Variants in PLPPR3 observed in about 807,000 individuals in gnomAD.
The protein encoded by PLPPR3 is phospholipid phosphatase related 3, also known as phospholipid phosphatase-related protein type 3.
In PLPPR3, 14 loss-of-function variants were observed where a neutral mutation model predicts 27.3. The observed-to-expected ratio is 0.51, with a 90% confidence interval of 0.34 to 0.80. PLPPR3 has a LOEUF of 0.80. PLPPR3 is among the 30% of genes least tolerant of loss of function. The pLI is 0.01. For synonymous variants in PLPPR3, 671 were observed against 508.0 expected (o/e 1.32, Z -4.32); for missense variants, 1,287 against 1,056.9 (o/e 1.22, Z -3.02).
Position 813,126 on chromosome 19 carries a change from G to T in PLPPR3, c.1601C>A (p.Pro534Gln). Reference protein sequence around the residue: ...EKSGAAVANPPRLLQVIAMSK... With the variant: ...EKSGAAVANPQRLLQVIAMSK... ...CATGGCGATGACCTGCAGCAGCCGC[G>T]GAGGGTTGGCCACTGCCGCCCCGCT... The change falls in exon 8 of 8, where the codon CCG (proline) becomes CAG (glutamine). Residue 534 changes from proline to glutamine, a missense_variant. Coordinates refer to ENST00000520876, the MANE Select transcript of PLPPR3 (RefSeq NM_001270366.2). This position sits in a 1 kb window ranked among gnomAD's most constrained non-coding sequence, Gnocchi z 4.1. 3 of 1,508,588 alleles carry T rather than the reference G, an allele frequency of 2.0e-6. No homozygotes were observed. The highest frequency in any genetic ancestry group is 2.6e-6 in the Non-Finnish European group (3 of 1,139,756). 93.5% of individuals were successfully genotyped at this position (1,508,588 alleles called of 1,614,324 possible).
At chr19:821,767 G>C (rs943261980) in intron 1 of PLPPR3, 148 bp downstream of exon 1, 4 of 379,366 alleles carry the variant, frequency 1.1e-5, no homozygotes, top group African/African-American at 6.4e-5. Flanking sequence ...ACCCGGGATC[G>C]GGGGGTCGGG....
upstream of PLPPR3, among the ~76,000 whole-genome samples, chr19:822,791 C>A (rs1325536906): frequency 6.6e-6 from 1 of 152,182 alleles, no homozygotes; most frequent in Non-Finnish European, 1.5e-5. Flanking sequence ...GGTCGCAATC[C>A]GAGGTCTCCG....
chr19:814,381 C>T (rs1337037999), intron 7 of PLPPR3, 53 bp downstream of exon 7: 3 of 1,515,728 alleles, frequency 2.0e-6, no homozygotes, highest in East Asian at 2.4e-5. Flanking sequence ...CATGCCTCCC[C>T]CCTCAGATCC....
Position 813,499 on chromosome 19 carries a change from C to T in PLPPR3, c.1228G>A (p.Glu410Lys). The change falls in exon 8 of 8, where the codon GAG becomes AAG. Residue 410 changes from glutamate to lysine, a missense_variant. Physicochemically the swap from Glu to Lys is moderately conservative, Grantham distance 56. Coordinates refer to ENST00000520876, the MANE Select transcript of PLPPR3 (RefSeq NM_001270366.2). This position sits in a 1 kb window ranked among gnomAD's most constrained non-coding sequence, Gnocchi z 4.1. ...CCCTCCAGGCTCTTCTGCTTCCACT[C>T]GCTGATGAGCTGCTTGGAGCGCGAG... Reference protein sequence around the residue: ...DASRSKQLISEWKQKSLEGRG... With the variant: ...DASRSKQLISKWKQKSLEGRG... 17 of 1,553,218 alleles carry T rather than the reference C, an allele frequency of 1.1e-5. No homozygotes were observed. Among genetic ancestry groups the T allele is most frequent in the Non-Finnish European group, 1.5e-5 (17 of 1,152,852 alleles).
Position 813,984 on chromosome 19 carries a change from C to G in PLPPR3, c.832-89G>C. The G allele has an allele frequency of 7.5e-7, 1 of 1,324,914 alleles. No homozygotes were observed. Among genetic ancestry groups the G allele is most frequent in the African/African-American group, 1.5e-5 (1 of 65,202 alleles). 82.1% of individuals were successfully genotyped at this position (1,324,914 alleles called of 1,614,324 possible). A position where few individuals can be genotyped will look rare whatever the true frequency, so the allele number is the denominator to read the frequency against. On this transcript the variant is annotated intron_variant, in intron 7 of 7. Coordinates refer to ENST00000520876, the MANE Select transcript of PLPPR3 (RefSeq NM_001270366.2). The surrounding 1 kb of genome is among the most constrained non-coding windows in gnomAD (Gnocchi z 4.1). ...TGGACTTGCCGCGGGGGGCTCTGGA[C>G]CGGGGGTGGGGGCTGGCAAGCTCTT...
At position 813,328 on chromosome 19, in the gene PLPPR3, A is replaced by AG; in HGVS notation, c.1398dup (p.Ser467LeufsTer?). 1.4e-6 allele frequency: 2 copies of AG among 1,466,764 alleles called. No individual in the cohort carries two copies. Among genetic ancestry groups the AG allele is most frequent in the Non-Finnish European group, 1.8e-6 (2 of 1,119,840 alleles). The allele number at this position is 1,466,764 out of a possible 1,614,324, so 90.9% of individuals were successfully genotyped here. ...CGCGCCTGCACGGTGGGGTAGAGCGAGGGCGGGGCCGGGCCCTCGTCCTCC... is the reference window on the plus strand; with the variant it reads ...CGCGCCTGCACGGTGGGGTAGAGCGAGGGGCGGGGCCGGGCCCTCGTCCTCC... On this transcript the variant is annotated frameshift_variant, in exon 8 of 8. Transcript: ENST00000520876. LOFTEE classifies it low-confidence loss of function (END_TRUNC). This position sits in a 1 kb window ranked among gnomAD's most constrained non-coding sequence, Gnocchi z 4.1.
Position 815,743 on chromosome 19 carries a change from G to A in PLPPR3, c.184C>T (p.Pro62Ser). The A allele has an allele frequency of 1.2e-6, 2 of 1,612,428 alleles. No homozygotes were observed. The highest frequency in any genetic ancestry group is 1.7e-6 in the Non-Finnish European group (2 of 1,179,720). ...AGCTCCTCGTTGGTCTCCACGTAGG[G>A]CATGGAGAGAGTGCGGTCATAGCAC... The part of the protein sequence containing the change: ...FQCYDRTLSM[P>S]YVETNEELIP... Residue 62 changes from proline (P) to serine (S), a missense_variant, in exon 3 of 8, where the codon CCC becomes TCC. Coordinates refer to ENST00000520876, the MANE Select transcript of PLPPR3 (RefSeq NM_001270366.2).
At chr19:821,370 G>T (rs1169719193) in intron 2 of PLPPR3, 115 bp downstream of exon 2, 1 of 667,642 alleles carries the variant, frequency 1.5e-6, no homozygotes, top group Non-Finnish European at 2.2e-6. Flanking sequence ...GTCCTGCCCC[G>T]CCCCGAGGCC....
At chr19:814,663 TG>T (rs1036365814) in intron 6 of PLPPR3, 28 bp downstream of exon 6, 1 of 1,608,276 alleles carries the variant, frequency 6.2e-7, no homozygotes, top group African/African-American at 1.3e-5. Flanking sequence ...CAAGAGGGCC[TG>T]GGAAGGGCAG....
rs745874203 is a variant in PLPPR3 at position 813,252 on chromosome 19, G to C, written c.1475C>G (p.Pro492Arg). ...VILPPRAGPP[P>R]LVHIPEEGAQ... ...GCCCTCCTCCGGGATGTGCACCAGC[G>C]GCGGCGGCCCCGCGCGCGGTGGGAG... Residue 492 changes from proline (P) to arginine (R), a missense_variant, in exon 8 of 8, where the codon CCG (proline) becomes CGG (arginine). Pro to Arg is a moderately radical substitution (Grantham distance 103). Coordinates refer to ENST00000520876, the MANE Select transcript of PLPPR3 (RefSeq NM_001270366.2). The surrounding 1 kb of genome is among the most constrained non-coding windows in gnomAD (Gnocchi z 4.1). The C allele has an allele frequency of 6.8e-7, 1 of 1,474,812 alleles. No homozygotes were observed. Among genetic ancestry groups the C allele is most frequent in the South Asian group, 1.3e-5 (1 of 77,876 alleles). 91.4% of individuals were successfully genotyped at this position (1,474,812 alleles called of 1,614,324 possible).
Position 812,559 on chromosome 19 carries a change from G to GCC in PLPPR3, c.*9_*10dup. On this transcript the variant is annotated 3_prime_UTR_variant, in exon 8 of 8. Transcript: ENST00000520876. ...TCGGCCCGCCCCCCGCCCGCCCCCG[G>GCC]CCCCGCCGCGCTAGTCGGGGAAGCG... 2 of 383,690 alleles carry GCC rather than the reference G, an allele frequency of 5.2e-6. No homozygotes were observed. Among genetic ancestry groups the GCC allele is most frequent in the Non-Finnish European group, 7.0e-6 (2 of 283,852 alleles). The allele number at this position is 383,690 out of a possible 1,614,324, so 23.8% of individuals were successfully genotyped here. A position where few individuals can be genotyped will look rare whatever the true frequency, so the allele number is the denominator to read the frequency against.
chr19:818,161 TC>T (rs1388754446), intron 2 of PLPPR3, among the ~76,000 whole-genome samples: 2 of 152,086 alleles, frequency 1.3e-5, no homozygotes, highest in African/African-American at 4.8e-5. Flanking sequence ...GACGGGCAGA[TC>T]ACCTGAGGTC....
chr19:813,232 C>G lies in PLPPR3; in HGVS notation c.1495G>C (p.Glu499Gln). ...GPPPLVHIPE[E>Q]GAQTGAGLSP... ...AGGCCGGCCCCCGTCTGCGCGCCCTCCTCCGGGATGTGCACCAGCGGCGGC... is the reference window on the plus strand; with the variant it reads ...AGGCCGGCCCCCGTCTGCGCGCCCTGCTCCGGGATGTGCACCAGCGGCGGC... The change falls in exon 8 of 8, where the codon GAG (glutamate) becomes CAG (glutamine). Residue 499 changes from glutamate to glutamine, a missense_variant. By Grantham distance (29) the Glu-to-Gln change is conservative. Coordinates refer to ENST00000520876, the MANE Select transcript of PLPPR3 (RefSeq NM_001270366.2). This position sits in a 1 kb window ranked among gnomAD's most constrained non-coding sequence, Gnocchi z 4.1. The G allele has an allele frequency of 6.7e-7, 1 of 1,493,892 alleles. No homozygotes were observed. Among genetic ancestry groups the G allele is most frequent in the Non-Finnish European group, 8.8e-7 (1 of 1,132,784 alleles). 92.5% of individuals were successfully genotyped at this position (1,493,892 alleles called of 1,614,324 possible).
chr19:814,911 C>T lies in PLPPR3; in HGVS notation c.574G>A (p.Asp192Asn), dbSNP rs749821461. 7 of 1,611,206 alleles carry T rather than the reference C, an allele frequency of 4.3e-6. No individual in the cohort carries two copies. The highest frequency in any genetic ancestry group is 3.3e-5 in the South Asian group (3 of 91,072). The change falls in exon 5 of 8, where the codon GAC becomes AAC. Residue 192 changes from aspartate (D) to asparagine (N), a missense_variant. Physicochemically the swap from Asp to Asn is conservative, Grantham distance 23. Coordinates refer to ENST00000520876, the MANE Select transcript of PLPPR3 (RefSeq NM_001270366.2). ...YITQDICSGH[D>N]IHAILSARKT... ...CGTGCAGACAGGATGGCGTGGATGTCGTGGCCGGAGCAGATGTCCTGCGTG... is the reference window on the plus strand; with the variant it reads ...CGTGCAGACAGGATGGCGTGGATGTTGTGGCCGGAGCAGATGTCCTGCGTG...
chr19:823,454 A>ACAAAAAAAAC (rs1568289365), upstream of PLPPR3, among the ~76,000 whole-genome samples: 1 of 150,264 alleles, frequency 6.7e-6, no homozygotes, highest in Non-Finnish European at 1.5e-5. Context: ...AAAAAAAAAA[A>ACAAAAAAAAC]AAAACAAACA....
chr19:823,450 A>AAAAAAAAAAAAC (rs111454578), upstream of PLPPR3, among the ~76,000 whole-genome samples: 10 of 143,838 alleles, frequency 7.0e-5, no homozygotes, highest in African/African-American at 1.5e-4. Flanking sequence ...TCAAAAAAAA[A>AAAAAAAAAAAAC]AAAAAAAACA....
chr19:813,767 C>T lies in PLPPR3; in HGVS notation c.960G>A (p.Ser320=), dbSNP rs995415802. 5.6e-5 allele frequency: 85 copies of T among 1,527,580 alleles called. No individual in the cohort carries two copies. The highest frequency in any genetic ancestry group is 7.4e-5 in the Non-Finnish European group (85 of 1,143,202). The allele number at this position is 1,527,580 out of a possible 1,614,324, so 94.6% of individuals were successfully genotyped here. A position where few individuals can be genotyped will look rare whatever the true frequency, so the allele number is the denominator to read the frequency against. Residue 320 remains serine (S), a synonymous_variant, in exon 8 of 8, where the codon TCG becomes TCA. Transcript: ENST00000520876. The surrounding 1 kb of genome is among the most constrained non-coding windows in gnomAD (Gnocchi z 4.1). ...GHDSVYQQNK[S]VSTDELGPPG... ...GGGGCCCCAGCTCGTCGGTGCTCAC[C>T]GACTTATTCTGCTGATAAACCGAGT...
At chr19:816,907 T>C (rs1247848315) in intron 2 of PLPPR3, among the ~76,000 whole-genome samples, 3 of 147,858 alleles carry the variant, frequency 2.0e-5, no homozygotes, top group African/African-American at 7.5e-5. Context: ...CACCCAACTG[T>C]CCATCCATCC....
intron 5 of PLPPR3, 37 bp from the exon 6 acceptor site, chr19:814,786 G>T: frequency 6.4e-7 from 1 of 1,558,570 alleles, no homozygotes; most frequent in Non-Finnish European, 8.6e-7. Flanking sequence ...CGCCCACCTG[G>T]GGACCCCAGC....
Sources: gnomAD v4.1 joint callset for allele counts (sites outside exome capture counted in the v4.1 genomes callset) on GRCh38, gnomAD v4.1.1 for gene constraint, Gnocchi (gnomAD v3.1) non-coding constraint, MANE v1.5 for transcripts, NCBI Gene and HGNC (gene_info 2026-07-23, HGNC 2026-07-21) for gene names.